Variants in MKRN2 observed in about 807,000 individuals in gnomAD.
MKRN2 encodes makorin ring finger protein 2.
In MKRN2, 32 loss-of-function variants were observed where a neutral mutation model predicts 45.4. The ratio of observed to expected loss-of-function variants is 0.70; its 90% CI spans 0.53 to 0.95. The LOEUF is 0.95. Among genes scored for constraint, MKRN2 ranks in the 40% least tolerant of loss-of-function variants. The pLI is 0.00. For missense variants in MKRN2, 526 were observed against 536.7 expected (o/e 0.98, Z 0.20); for synonymous variants, 206 against 192.4 (o/e 1.07, Z -0.59).
Position 12,576,735 on chromosome 3 carries a change from G to A in MKRN2, c.962G>A (p.Gly321Glu), listed in dbSNP as rs2058139745. ...KNELIEAFKQGMGKKACKYFE... is the reference protein window; with the variant it reads ...KNELIEAFKQEMGKKACKYFE... The stretch of plus-strand genomic sequence containing the variant: ...GAGTTGATTGAAGCTTTCAAACAGG[G>A]GATGGGGTAAGTGCTTTTGAGTTTC... Residue 321 changes from glycine to glutamate, a missense_variant, in exon 6 of 8, where the codon GGG (glycine) becomes GAG (glutamate). By Grantham distance (98) the Gly-to-Glu change is moderately conservative. Transcript: ENST00000170447. 1.3e-6 allele frequency: 2 copies of A among 1,595,464 alleles called. No homozygotes were observed. The highest frequency in any genetic ancestry group is 2.2e-5 in the South Asian group (2 of 90,662).
rs560241567 is a variant in MKRN2, at chr3:12,561,784, A to T, written c.26+4608A>T. Among the ~76,000 whole-genome samples, 28 of 151,140 alleles carry T rather than the reference A, an allele frequency of 1.9e-4. No homozygotes were observed. In the South Asian group the frequency reaches 1.9e-3, roughly 10 times the overall value. ...GCTCTTGGCACTGACTTTTTTTTTT[A>T]AATTATTATACCTTCAAAGATTACC... On this transcript the variant is annotated intron_variant, in intron 1 of 7. Coordinates refer to ENST00000170447, the MANE Select transcript of MKRN2 (RefSeq NM_014160.5).
Position 12,572,292 on chromosome 3 carries a change from C to T in MKRN2, c.561C>T (p.Tyr187=). The T allele has an allele frequency of 6.2e-7, 1 of 1,613,716 alleles. No individual in the cohort carries two copies. The highest frequency in any genetic ancestry group is 1.1e-5 in the South Asian group (1 of 91,072). The change falls in exon 4 of 8, where the codon TAC becomes TAT. Residue 187 remains tyrosine, a synonymous_variant. Transcript: ENST00000170447. ...GECRFGDACV[Y]LHGEVCEICR... is the part of the protein sequence containing the mutation. Reference sequence around the variant, plus strand: ...GCCGGTTTGGGGATGCCTGTGTCTACCTGCACGGGGAGGTGTGTGAAATCT... The same window carrying T: ...GCCGGTTTGGGGATGCCTGTGTCTATCTGCACGGGGAGGTGTGTGAAATCT...
chr3:12,574,589 C>T (rs1423422104), intron 4 of MKRN2, among the ~76,000 whole-genome samples: 1 of 152,226 alleles, frequency 6.6e-6, no homozygotes, highest in Non-Finnish European at 1.5e-5. Context: ...GGGGCTGGAC[C>T]AGTGATGGTT....
At chr3:12,564,840 T>A (rs1023032239) in intron 1 of MKRN2, among the ~76,000 whole-genome samples, 1 of 152,248 alleles carries the variant, frequency 6.6e-6, no homozygotes, top group Non-Finnish European at 1.5e-5. Flanking sequence ...AGATTTGCCT[T>A]TTCTGACATT....
At chr3:12,567,297 A>G (rs1368702164) in intron 1 of MKRN2, among the ~76,000 whole-genome samples, 1 of 150,238 alleles carries the variant, frequency 6.7e-6, no homozygotes, top group Admixed American at 6.7e-5. Context: ...TTTGTGAGAC[A>G]GGATCTTGCT....
chr3:12,572,895 A>G (rs1263807755), intron 4 of MKRN2, among the ~76,000 whole-genome samples: 1 of 152,144 alleles, frequency 6.6e-6, no homozygotes, highest in African/African-American at 2.4e-5. Context: ...TATTTTGCCA[A>G]TTTTTAATTA....
intron 4 of MKRN2, among the ~76,000 whole-genome samples, chr3:12,574,255 C>T (rs1378096835): frequency 6.6e-6 from 1 of 152,194 alleles, no homozygotes; most frequent in Non-Finnish European, 1.5e-5. Context: ...GGGCCTAGGT[C>T]TTCTCACTCT....
At chr3:12,564,779 C>T (rs999154854) in intron 1 of MKRN2, among the ~76,000 whole-genome samples, 5 of 152,218 alleles carry the variant, frequency 3.3e-5, no homozygotes, top group Non-Finnish European at 5.9e-5. Context: ...GTCACCCTCA[C>T]TTCTCTCCTC....
At chr3:12,570,674 C>T (rs1405810302) in intron 3 of MKRN2, among the ~76,000 whole-genome samples, 1 of 151,776 alleles carries the variant, frequency 6.6e-6, no homozygotes, top group East Asian at 1.9e-4. Flanking sequence ...GTCAGGAGTT[C>T]GAGACCAGCC....
rs1042378404 is a variant in MKRN2, at chr3:12,557,092, C to A, written c.-59C>A. On this transcript the variant is annotated 5_prime_UTR_variant, in exon 1 of 8. Transcript: ENST00000170447. Reference sequence around the variant, plus strand: ...GGATGGGCCGGGCCAGGGCCAAGGCCGAGGCGGCAGCGGCTGCGAGAGGCG... The same window carrying A: ...GGATGGGCCGGGCCAGGGCCAAGGCAGAGGCGGCAGCGGCTGCGAGAGGCG... 1 of 1,482,872 alleles carries A rather than the reference C, an allele frequency of 6.7e-7. No individual in the cohort carries two copies. Among genetic ancestry groups the A allele is most frequent in the South Asian group, 1.3e-5 (1 of 78,360 alleles). The allele number at this position is 1,482,872 out of a possible 1,614,324, so 91.9% of individuals were successfully genotyped here.
At chr3:12,558,751 G>A (rs896743353) in intron 1 of MKRN2, among the ~76,000 whole-genome samples, 3 of 152,178 alleles carry the variant, frequency 2.0e-5, no homozygotes, top group Non-Finnish European at 4.4e-5. Flanking sequence ...AAACAGGGGT[G>A]TTCTGTAGGA....
chr3:12,564,606 T>A (rs965223268), intron 1 of MKRN2, among the ~76,000 whole-genome samples: 27 of 152,348 alleles, frequency 1.8e-4, no homozygotes, highest in African/African-American at 6.3e-4. Context: ...TTCTCTTTTT[T>A]AACAGCTTTT....
Position 12,582,937 on chromosome 3 carries a change from T to TA in MKRN2, c.*685dup, listed in dbSNP as rs1379900792. 1 of 152,384 alleles carries TA rather than the reference T, an allele frequency of 6.6e-6. No homozygotes were observed. The highest frequency in any genetic ancestry group is 1.5e-5 in the Non-Finnish European group (1 of 68,214). The allele number at this position is 152,384 out of a possible 1,614,324, so 9.4% of individuals were successfully genotyped here. On this transcript the variant is annotated 3_prime_UTR_variant, in exon 8 of 8. Transcript: ENST00000170447. ...GGGAGGCTCTTGAAGGAGCAGGAGGTACAGTACTGGGTAGCAGTCTGGCCC... is the reference window on the plus strand; with the variant it reads ...GGGAGGCTCTTGAAGGAGCAGGAGGTAACAGTACTGGGTAGCAGTCTGGCCC...
intron 1 of MKRN2, among the ~76,000 whole-genome samples, chr3:12,558,878 G>C (rs1214991851): frequency 2.0e-5 from 3 of 152,188 alleles, no homozygotes; most frequent in Non-Finnish European, 2.9e-5. Context: ...AGGTACTGTA[G>C]TGTATAATCC....
intron 6 of MKRN2, among the ~76,000 whole-genome samples, chr3:12,577,974 G>GC (rs1369933246): frequency 6.6e-6 from 1 of 152,122 alleles, no homozygotes; most frequent in African/African-American, 2.4e-5. Flanking sequence ...ACTGCGCCTG[G>GC]CCAAGTGTTG....
At chr3:12,576,610 G>A (rs1214379906) in intron 5 of MKRN2, 21 bp from the exon 6 acceptor site, 1 of 1,541,380 alleles carries the variant, frequency 6.5e-7, no homozygotes, top group Admixed American at 1.7e-5. Flanking sequence ...TTCTCCCTTA[G>A]TAATCTAATT....
Position 12,583,463 on chromosome 3 carries a change from G to A in MKRN2, c.*1210G>A, listed in dbSNP as rs1034765305. On this transcript the variant is annotated 3_prime_UTR_variant, in exon 8 of 8. Coordinates refer to ENST00000170447, the MANE Select transcript of MKRN2 (RefSeq NM_014160.5). Reference sequence around the variant, plus strand: ...GTAGAGGTTTACAAAGAGTACAAAGGTTAAATTACAAATTCATTCCCAGCC... The same window carrying A: ...GTAGAGGTTTACAAAGAGTACAAAGATTAAATTACAAATTCATTCCCAGCC... 1.0e-5 allele frequency: 2 copies of A among 197,246 alleles called. No homozygotes were observed. The highest frequency in any genetic ancestry group is 4.6e-5 in the African/African-American group (2 of 43,284). 12.2% of individuals were successfully genotyped at this position (197,246 alleles called of 1,614,324 possible). A position where few individuals can be genotyped will look rare whatever the true frequency, so the allele number is the denominator to read the frequency against.
intron 1 of MKRN2, among the ~76,000 whole-genome samples, chr3:12,561,635 A>G (rs1277936937): frequency 6.6e-6 from 1 of 152,224 alleles, no homozygotes; most frequent in Non-Finnish European, 1.5e-5. Context: ...AGAAAAGGAA[A>G]GAAACTATAC....
rs2058201033 is a variant in MKRN2 at position 12,583,263 on chromosome 3, A to G, written c.*1010A>G. On this transcript the variant is annotated 3_prime_UTR_variant, in exon 8 of 8. Coordinates refer to ENST00000170447, the MANE Select transcript of MKRN2 (RefSeq NM_014160.5). ...TTTTGATTTTAATTGAAGGGTGAGC[A>G]TAACCTTGTGAACCAGCACTAGCTT... The G allele has an allele frequency of 6.6e-6, 1 of 152,508 alleles. No homozygotes were observed. The highest frequency in any genetic ancestry group is 6.5e-5 in the Admixed American group (1 of 15,286). 9.4% of individuals were successfully genotyped at this position (152,508 alleles called of 1,614,324 possible).
Sources: allele counts gnomAD v4.1 joint callset (sites outside exome capture counted in the v4.1 genomes callset), GRCh38; gene constraint gnomAD v4.1.1; transcripts MANE v1.5; gene names NCBI Gene and HGNC (gene_info 2026-07-23, HGNC 2026-07-21).